The following TENM1 variants were observed in gnomAD, a reference collection of about 807,000 sequenced individuals.
The protein encoded by TENM1 is teneurin transmembrane protein 1, also known as teneurin-1.
A neutral mutation model predicts 174.8 loss-of-function variants in TENM1; 35 were observed. The ratio of observed to expected loss-of-function variants is 0.20; its 90% CI spans 0.15 to 0.27. The LOEUF (loss-of-function observed/expected upper bound fraction) is 0.27, where lower values mean the gene tolerates loss of function less well. Among genes scored for constraint, TENM1 ranks in the 10% least tolerant of loss-of-function variants. TENM1 has a pLI of 1.00. For missense variants in TENM1, 1,633 were observed against 2,130.1 expected (o/e 0.77, Z 4.59); for synonymous variants, 781 against 798.7 (o/e 0.98, Z 0.37).
intron 28 of TENM1, among the ~76,000 whole-genome samples, chrX:124,390,716 T>C (rs1199554454): frequency 3.6e-5 from 4 of 112,036 alleles, no homozygotes; most frequent in Non-Finnish European, 3.8e-5. Flanking sequence ...GTCATCAATA[T>C]ACACCTTAAG....
the TENM1 span, among the ~76,000 whole-genome samples, chrX:125,106,558 C>T: frequency 8.4e-4 from 92 of 110,069 alleles, 1 homozygote; most frequent in African/African-American, 1.9e-3. Flanking sequence ...TACGGGCGCC[C>T]GCCACCACGC....
At chrX:124,978,258 T>C in the TENM1 span, among the ~76,000 whole-genome samples, 4 of 111,622 alleles carry the variant, frequency 3.6e-5, no homozygotes, top group Admixed American at 9.6e-5. Context: ...TAAGCCTTTA[T>C]TGATGGTTTA....
At chrX:124,713,812 G>T (rs2053118320) in intron 4 of TENM1, among the ~76,000 whole-genome samples, 1 of 111,794 alleles carries the variant, frequency 8.9e-6, no homozygotes, top group African/African-American at 3.2e-5. Flanking sequence ...ACAAAGGTTG[G>T]GTAGTCTAAG....
At chrX:125,066,204 C>A in the TENM1 span, among the ~76,000 whole-genome samples, 39 of 111,462 alleles carry the variant, frequency 3.5e-4, no homozygotes, top group African/African-American at 1.2e-3. Flanking sequence ...AGCTGGAAAC[C>A]AAGGAACACA....
intron 3 of TENM1, among the ~76,000 whole-genome samples, chrX:124,880,892 CATGGTATATT>C (rs1329119490): frequency 1.8e-5 from 2 of 111,760 alleles, no homozygotes; most frequent in Non-Finnish European, 3.8e-5. Context: ...CCCACTGAAT[CATGGTATATT>C]ATGTTTTGAT....
the TENM1 span, among the ~76,000 whole-genome samples, chrX:125,138,206 G>A: frequency 2.7e-5 from 3 of 110,654 alleles, no homozygotes; most frequent in Non-Finnish European, 5.7e-5. Context: ...ATAAAGAAAT[G>A]GCACTATTGA....
At chrX:124,976,428 G>A in the TENM1 span, among the ~76,000 whole-genome samples, 1 of 111,650 alleles carries the variant, frequency 9.0e-6, no homozygotes, top group South Asian at 3.8e-4. Context: ...CTGAAATAAG[G>A]TTCAAAGGAA....
intron 3 of TENM1, among the ~76,000 whole-genome samples, chrX:124,851,592 A>G (rs1347154382): frequency 1.8e-5 from 2 of 110,675 alleles, no homozygotes; most frequent in African/African-American, 6.6e-5. Context: ...CTCAGAGCAT[A>G]ATCCTCAAGT....
rs754177576 is a variant in TENM1, at chrX:124,733,131, G to A, written c.776+3826C>T. Among the ~76,000 whole-genome samples, 68 of 111,898 alleles carry A rather than the reference G, an allele frequency of 6.1e-4. No homozygotes were observed. The South Asian group carries it at 0.025, about 41-fold the overall frequency. On this transcript the variant is annotated intron_variant, in intron 4 of 31. Coordinates refer to ENST00000422452, the Ensembl canonical transcript of TENM1. The stretch of plus-strand genomic sequence containing the variant: ...GGAGATTTGAAACCCATTAATGTGA[G>A]GAACAGGTTGAAGGAATTGGGGAAA...
intron 1 of TENM1, among the ~76,000 whole-genome samples, chrX:124,911,065 G>A (rs2057828224): frequency 9.1e-6 from 1 of 110,120 alleles, no homozygotes. Context: ...ACAGGTGTGT[G>A]CCACCACACC....
chrX:124,444,660 T>C (rs1017411738), intron 23 of TENM1, among the ~76,000 whole-genome samples: 1 of 110,124 alleles, frequency 9.1e-6, no homozygotes, highest in African/African-American at 3.3e-5. Flanking sequence ...TTTTAAACAA[T>C]CAATGGGCAA....
At chrX:124,646,392 C>T (rs1279351827) in intron 9 of TENM1, among the ~76,000 whole-genome samples, 1 of 112,507 alleles carries the variant, frequency 8.9e-6, no homozygotes, top group East Asian at 2.8e-4. Flanking sequence ...AACCTATCTA[C>T]AAATCCCAGC....
In TENM1 at chrX:124,863,161, G is replaced by T. The variant is rs749376700; in HGVS notation, c.535+31135C>A. On this transcript the variant is annotated intron_variant, in intron 3 of 31. Coordinates refer to ENST00000422452, the Ensembl canonical transcript of TENM1. ...AGCCTTGAGTGAGCCTCTGAGACTT[G>T]CTGGTTTCAGGTGAGACTCAGCACA... is the stretch of plus-strand genomic sequence containing the variant. Among the ~76,000 whole-genome samples, 5 of 110,291 alleles carry T rather than the reference G, an allele frequency of 4.5e-5. No individual in the cohort carries two copies. In the Admixed American group the frequency reaches 4.8e-4, roughly 11 times the overall value.
intron 22 of TENM1, among the ~76,000 whole-genome samples, chrX:124,471,332 G>T (rs868478263): frequency 6.2e-5 from 1 of 16,051 alleles, no homozygotes; most frequent in Non-Finnish European, 1.0e-4. Context: ...ATAATATATA[G>T]TACTATATAT....
chrX:124,918,301 T>A (rs1314496377), intron 1 of TENM1, among the ~76,000 whole-genome samples: 4 of 109,833 alleles, frequency 3.6e-5, no homozygotes, highest in African/African-American at 1.3e-4. Context: ...AGCTTCAGCC[T>A]CCAGAGTAGC....
intron 14 of TENM1, among the ~76,000 whole-genome samples, chrX:124,549,056 A>G (rs1450047455): frequency 8.9e-6 from 1 of 111,908 alleles, no homozygotes; most frequent in African/African-American, 3.3e-5. Context: ...TTGTTTCAAT[A>G]AGAAGTTTCT....
chrX:125,115,792 T>A, the TENM1 span, among the ~76,000 whole-genome samples: 6 of 110,609 alleles, frequency 5.4e-5, no homozygotes, highest in African/African-American at 2.0e-4. Context: ...AGAATCAATA[T>A]CTTGAAAATG....
intron 3 of TENM1, among the ~76,000 whole-genome samples, chrX:124,777,003 G>C (rs1368177214): frequency 9.0e-6 from 1 of 110,713 alleles, no homozygotes; most frequent in Non-Finnish European, 1.9e-5. Flanking sequence ...ATTTATTTTT[G>C]GTTTTTGTAT....
chrX:124,547,994 A>G (rs2048471804), intron 14 of TENM1, among the ~76,000 whole-genome samples: 1 of 110,688 alleles, frequency 9.0e-6, no homozygotes, highest in Non-Finnish European at 1.9e-5. Flanking sequence ...CCGCCAACAC[A>G]CCCGGCTAAT....
Sources: gnomAD v4.1 joint callset for allele counts (sites outside exome capture counted in the v4.1 genomes callset) on GRCh38, gnomAD v4.1.1 for gene constraint, MANE v1.5 for transcripts, NCBI Gene and HGNC (gene_info 2026-07-23, HGNC 2026-07-21) for gene names.